Variants in IGBP1 observed in about 807,000 individuals in gnomAD.
The protein encoded by IGBP1 is immunoglobulin binding protein 1, also known as immunoglobulin-binding protein 1.
In IGBP1, 2 loss-of-function variants were observed where a neutral mutation model predicts 25.9. That is an observed-to-expected ratio of 0.08 (90% confidence interval 0.03 to 0.24). The LOEUF (loss-of-function observed/expected upper bound fraction) is 0.24, where lower values mean the gene tolerates loss of function less well. Among genes scored for constraint, IGBP1 ranks in the 10% least tolerant of loss-of-function variants. The pLI, the probability that IGBP1 is intolerant of heterozygous loss-of-function variation, is 1.00. For missense variants in IGBP1, 187 were observed against 260.4 expected (o/e 0.72, Z 1.94); for synonymous variants, 96 against 93.4 (o/e 1.03, Z -0.16).
Position 70,166,233 on chromosome X carries a change from G to A in IGBP1, c.*252G>A, listed in dbSNP as rs1456702652. 5.6e-6 allele frequency: 2 copies of A among 357,637 alleles called. No individual in the cohort carries two copies. Among genetic ancestry groups the A allele is most frequent in the Non-Finnish European group, 9.8e-6 (2 of 204,013 alleles). The allele number at this position is 357,637 out of a possible 1,213,427, so 29.5% of individuals were successfully genotyped here. A position where few individuals can be genotyped will look rare whatever the true frequency, so the allele number is the denominator to read the frequency against. On this transcript the variant is annotated 3_prime_UTR_variant, in exon 7 of 7. Transcript: ENST00000356413. Reference sequence around the variant, plus strand: ...CAGCTTCTTAAGTGGAAGGAAAAGAGTGCTGAGAAATGGCTCTGTATAATC... The same window carrying A: ...CAGCTTCTTAAGTGGAAGGAAAAGAATGCTGAGAAATGGCTCTGTATAATC...
intron 3 of IGBP1, among the ~76,000 whole-genome samples, chrX:70,141,637 G>A (rs2085130770): frequency 9.0e-6 from 1 of 111,514 alleles, no homozygotes; most frequent in Non-Finnish European, 1.9e-5. Flanking sequence ...TGGGTACTTG[G>A]AGGTGTCTTT....
intron 2 of IGBP1, 39 bp from the exon 3 acceptor site, chrX:70,134,484 G>A: frequency 8.4e-7 from 1 of 1,184,357 alleles, no homozygotes. Context: ...CAATTTGAAT[G>A]CCTAGTCAGG....
rs757337714 is a variant in IGBP1 at position 70,133,855 on chromosome X, T to G, written c.-93T>G. On this transcript the variant is annotated 5_prime_UTR_variant, in exon 2 of 7. Transcript: ENST00000356413. The stretch of plus-strand genomic sequence containing the variant: ...GAAGCTACTGGACCAATGAGGTGCT[T>G]CTTCCGGTTTTGTCCGCGCTCGCCT... 1 of 785,855 alleles carries G rather than the reference T, an allele frequency of 1.3e-6. No homozygotes were observed. Among genetic ancestry groups the G allele is most frequent in the East Asian group, 3.4e-5 (1 of 29,069 alleles). 64.8% of individuals were successfully genotyped at this position (785,855 alleles called of 1,213,427 possible). A position where few individuals can be genotyped will look rare whatever the true frequency, so the allele number is the denominator to read the frequency against.
chrX:70,144,882 T>A (rs760226162), intron 3 of IGBP1, among the ~76,000 whole-genome samples: 5 of 107,634 alleles, frequency 4.6e-5, no homozygotes, highest in Non-Finnish European at 7.7e-5. Flanking sequence ...GTGGTCTTGA[T>A]CTCCTGACCT....
At chrX:70,151,828 A>G (rs1329934540) in intron 6 of IGBP1, among the ~76,000 whole-genome samples, 1 of 111,343 alleles carries the variant, frequency 9.0e-6, no homozygotes, top group Admixed American at 9.6e-5. Flanking sequence ...TAGTGAGCCA[A>G]GATCACGCCA....
chrX:70,138,204 AG>A (rs1208601834), intron 3 of IGBP1, among the ~76,000 whole-genome samples: 1 of 109,079 alleles, frequency 9.2e-6, no homozygotes, highest in African/African-American at 3.3e-5. Flanking sequence ...AATTAGGCTG[AG>A]TGCGGTGGCT....
chrX:70,133,671 G>A lies in IGBP1; in HGVS notation c.-225-52G>A, dbSNP rs1321902984. 1.2e-5 allele frequency: 5 copies of A among 427,363 alleles called. No individual in the cohort carries two copies. The East Asian group carries it at 1.5e-4, about 13-fold the overall frequency. The allele number at this position is 427,363 out of a possible 1,213,427, so 35.2% of individuals were successfully genotyped here. The stretch of plus-strand genomic sequence containing the variant: ...CTCAGCCCCGTGTCGGCGACGAGGA[G>A]CTCATGGTAAAACAGCGCCTAGGGT... On this transcript the variant is annotated intron_variant, in intron 1 of 6. Coordinates refer to ENST00000356413, the MANE Select transcript of IGBP1 (RefSeq NM_001551.3).
At chrX:70,145,546 C>T (rs1183674509) in intron 3 of IGBP1, among the ~76,000 whole-genome samples, 2 of 111,114 alleles carry the variant, frequency 1.8e-5, no homozygotes, top group Non-Finnish European at 3.8e-5. Flanking sequence ...CAAAAGCCTC[C>T]AGTGGCTTTC....
intron 3 of IGBP1, among the ~76,000 whole-genome samples, chrX:70,143,400 G>T (rs770518197): frequency 2.8e-4 from 32 of 112,586 alleles, no homozygotes; most frequent in African/African-American, 1.0e-3. Context: ...TGGTGAGTGT[G>T]ATGGTGATAA....
At chrX:70,148,490 G>A (rs2085181350) in intron 4 of IGBP1, 3 of 329,296 alleles carry the variant, frequency 9.1e-6, no homozygotes, top group East Asian at 1.2e-4. Flanking sequence ...TTTGGACAGG[G>A]TATTTTAAAG....
chrX:70,145,045 GAAGA>G (rs1180627730), intron 3 of IGBP1, among the ~76,000 whole-genome samples: 8 of 106,000 alleles, frequency 7.5e-5, no homozygotes, highest in Non-Finnish European at 1.6e-4. Flanking sequence ...AAAAAAAAAA[GAAGA>G]AAGAAAAAGA....
At chrX:70,150,023 T>C (rs1460760706) in intron 5 of IGBP1, among the ~76,000 whole-genome samples, 187 bp from the exon 6 acceptor site, 3 of 112,000 alleles carry the variant, frequency 2.7e-5, no homozygotes, top group East Asian at 2.8e-4. Context: ...AATGCCCCTT[T>C]CTGGATGCCC....
At chrX:70,156,761 G>A (rs764412485) in intron 6 of IGBP1, among the ~76,000 whole-genome samples, 53 of 110,843 alleles carry the variant, frequency 4.8e-4, no homozygotes, top group South Asian at 4.3e-3. Flanking sequence ...CCAACATGGT[G>A]AAACCTCGTC....
intron 3 of IGBP1, among the ~76,000 whole-genome samples, chrX:70,141,657 A>T (rs911442844): frequency 1.1e-4 from 12 of 111,649 alleles, no homozygotes; most frequent in Non-Finnish European, 1.7e-4. Flanking sequence ...TGGGAGAGAC[A>T]GAGTGGTCAT....
intron 6 of IGBP1, among the ~76,000 whole-genome samples, chrX:70,158,968 A>C (rs963146773): frequency 3.5e-5 from 4 of 112,805 alleles, no homozygotes; most frequent in African/African-American, 1.3e-4. Context: ...CAAACCCTAC[A>C]CAAAGTTATT....
chrX:70,133,886 T>C lies in IGBP1; in HGVS notation c.-62T>C. 9.3e-7 allele frequency: 1 copy of C among 1,070,917 alleles called. No individual in the cohort carries two copies. Among genetic ancestry groups the C allele is most frequent in the Non-Finnish European group, 1.3e-6 (1 of 778,508 alleles). 88.3% of individuals were successfully genotyped at this position (1,070,917 alleles called of 1,213,427 possible). A position where few individuals can be genotyped will look rare whatever the true frequency, so the allele number is the denominator to read the frequency against. The stretch of plus-strand genomic sequence containing the variant: ...GGTTTTGTCCGCGCTCGCCTAATTC[T>C]TCTTTATCAAGGTTGCCTTTGACCC... On this transcript the variant is annotated 5_prime_UTR_variant, in exon 2 of 7. Transcript: ENST00000356413.
intron 3 of IGBP1, among the ~76,000 whole-genome samples, chrX:70,139,460 C>T (rs902746155): frequency 6.3e-5 from 7 of 111,889 alleles, no homozygotes; most frequent in African/African-American, 1.6e-4. Flanking sequence ...TAACTTTATA[C>T]TAATGTCTCC....
chrX:70,153,468 C>A (rs917513417), intron 6 of IGBP1, among the ~76,000 whole-genome samples: 10 of 111,942 alleles, frequency 8.9e-5, no homozygotes, highest in Non-Finnish European at 1.7e-4. Context: ...GCAAAAATTA[C>A]AATATTGACT....
At chrX:70,158,240 G>T (rs183418850) in intron 6 of IGBP1, among the ~76,000 whole-genome samples, 29 of 112,043 alleles carry the variant, frequency 2.6e-4, no homozygotes, top group Admixed American at 2.2e-3. Flanking sequence ...GTGAACTCTT[G>T]AAGTTGATCC....
Sources: gnomAD v4.1 joint callset for allele counts (sites outside exome capture counted in the v4.1 genomes callset) on GRCh38, gnomAD v4.1.1 for gene constraint, MANE v1.5 for transcripts, NCBI Gene and HGNC (gene_info 2026-07-23, HGNC 2026-07-21) for gene names.